KIF26B: variants seen among roughly 807,000 people sequenced by gnomAD.
The protein encoded by KIF26B is kinesin family member 26B.
A neutral mutation model predicts 151.2 loss-of-function variants in KIF26B; 63 were observed. The ratio of observed to expected loss-of-function variants is 0.42; its 90% CI spans 0.34 to 0.51. KIF26B has a LOEUF of 0.51. KIF26B is among the 20% of genes least tolerant of loss of function. The probability of loss-of-function intolerance (pLI) is 0.07; values close to 1 mark genes in which losing one functional copy is unlikely to be tolerated. For missense variants in KIF26B, 2,813 were observed against 2,913.6 expected (o/e 0.97, Z 0.79); for synonymous variants, 1,357 against 1,262.1 (o/e 1.08, Z -1.59).
Position 245,552,122 on chromosome 1 carries a change from G to GATGTGTGTGTGTGTGT in KIF26B, c.1350+11172_1350+11173insATGTGTGTGTGTGTGT, listed in dbSNP as rs1553287299. On this transcript the variant is annotated intron_variant, in intron 5 of 14. Coordinates refer to ENST00000407071, the MANE Select transcript of KIF26B (RefSeq NM_018012.4). ...TTCTCCAGAGAAACAGAACCAGCAG[G>GATGTGTGTGTGTGTGT]GTGTGTGTGTGTGTGTGTGTGTGTG... Among the ~76,000 whole-genome samples the GATGTGTGTGTGTGTGT allele has an allele frequency of 4.5e-3, 598 of 131,700 alleles. 24 individuals are homozygous for GATGTGTGTGTGTGTGT. Among genetic ancestry groups the GATGTGTGTGTGTGTGT allele is most frequent in the Non-Finnish European group, 6.6e-3 (409 of 61,540 alleles). 86.4% of individuals were successfully genotyped at this position (131,700 alleles called of 152,430 possible). A position where few individuals can be genotyped will look rare whatever the true frequency, so the allele number is the denominator to read the frequency against.
intron 9 of KIF26B, among the ~76,000 whole-genome samples, chr1:245,622,574 G>A (rs1191245285): frequency 6.6e-6 from 1 of 152,162 alleles, no homozygotes; most frequent in Non-Finnish European, 1.5e-5. Flanking sequence ...CGCTCTGCTC[G>A]CTTTTTGTAC....
At chr1:245,288,894 C>T (rs10802206) in intron 2 of KIF26B, among the ~76,000 whole-genome samples, 91,088 of 151,844 alleles carry the variant, frequency 0.6, 28,330 homozygotes, top group African/African-American at 0.77. Context: ...GGAGTTTTTA[C>T]TGGGAAGAAG....
rs1471481193 is a variant in KIF26B at position 245,495,219 on chromosome 1, A to G, written c.1167-45548A>G. ...TATCCAGAGAGATACATGGAGAACA[A>G]AAAGGATCAAAATACAGAAAAGAGC... On this transcript the variant is annotated intron_variant, in intron 4 of 14. Transcript: ENST00000407071. The surrounding 1 kb of genome is among the most constrained non-coding windows in gnomAD (Gnocchi z 4.2). 6.6e-6 allele frequency among the ~76,000 whole-genome samples: 1 copy of G among 152,224 alleles called. No individual in the cohort carries two copies. Among genetic ancestry groups the G allele is most frequent in the Non-Finnish European group, 1.5e-5 (1 of 68,038 alleles).
In KIF26B at chr1:245,704,315, A is replaced by T. The variant is rs2044812890; in HGVS notation, c.*1709A>T. On this transcript the variant is annotated 3_prime_UTR_variant, in exon 15 of 15. Coordinates refer to ENST00000407071, the MANE Select transcript of KIF26B (RefSeq NM_018012.4). ...CTCCCCAAGCGGGGAAAAAAACACT[A>T]CGTTTCTTGGTCAGTGTACCTCTGG... The T allele has an allele frequency of 6.6e-6, 1 of 152,206 alleles. No individual in the cohort carries two copies. Among genetic ancestry groups the T allele is most frequent in the Non-Finnish European group, 1.5e-5 (1 of 68,076 alleles). The allele number at this position is 152,206 out of a possible 1,614,324, so 9.4% of individuals were successfully genotyped here.
intron 2 of KIF26B, among the ~76,000 whole-genome samples, chr1:245,333,427 G>A (rs1672153244): frequency 6.6e-6 from 1 of 152,216 alleles, no homozygotes; most frequent in East Asian, 1.9e-4. Context: ...ACGAAGTAGA[G>A]TGGTGGTTTC....
In KIF26B at chr1:245,703,598, C is replaced by CATTTT. The variant is rs2044803051; in HGVS notation, c.*993_*997dup. 1 of 152,206 alleles carries CATTTT rather than the reference C, an allele frequency of 6.6e-6. No homozygotes were observed. The highest frequency in any genetic ancestry group is 2.4e-5 in the African/African-American group (1 of 41,452). The allele number at this position is 152,206 out of a possible 1,614,324, so 9.4% of individuals were successfully genotyped here. On this transcript the variant is annotated 3_prime_UTR_variant, in exon 15 of 15. Coordinates refer to ENST00000407071, the MANE Select transcript of KIF26B (RefSeq NM_018012.4). ...TTGCGTGGCCCTCAAAATTCATATT[C>CATTTT]ATTTTTATTCCAAAAAGTCTTGAAC...
At chr1:245,361,051 A>C (rs921423294) in intron 2 of KIF26B, among the ~76,000 whole-genome samples, 1 of 152,162 alleles carries the variant, frequency 6.6e-6, no homozygotes, top group Non-Finnish European at 1.5e-5. Flanking sequence ...TGCCTCACCC[A>C]TTCTTTTGAG....
At position 245,156,440 on chromosome 1, in the gene KIF26B, C is replaced by G; in HGVS notation, c.222C>G (p.Gly74=). ...CGGGGACCCCGTCTCCCGGCTCGGG[C>G]ACCTCGTCCCCGAGCTCGTTCACCG... ...GSSGTPSPGS[G]TSSPSSFTGS... Residue 74 remains glycine, a synonymous_variant, in exon 2 of 15, where the codon GGC becomes GGG. Transcript: ENST00000407071. The G allele has an allele frequency of 6.6e-7, 1 of 1,526,396 alleles. No individual in the cohort carries two copies. Among genetic ancestry groups the G allele is most frequent in the Non-Finnish European group, 8.8e-7 (1 of 1,140,376 alleles). The allele number at this position is 1,526,396 out of a possible 1,614,324, so 94.6% of individuals were successfully genotyped here. A position where few individuals can be genotyped will look rare whatever the true frequency, so the allele number is the denominator to read the frequency against.
chr1:245,444,787 G>A (rs1461231269), intron 4 of KIF26B, among the ~76,000 whole-genome samples: 1 of 152,216 alleles, frequency 6.6e-6, no homozygotes, highest in African/African-American at 2.4e-5. Flanking sequence ...AAAATGACGT[G>A]AGGGGTTGCC....
chr1:245,216,903 C>T (rs974696791), intron 2 of KIF26B, among the ~76,000 whole-genome samples: 1 of 152,150 alleles, frequency 6.6e-6, no homozygotes, highest in Non-Finnish European at 1.5e-5. Context: ...TCACTTTTGC[C>T]TTATTTCATA....
At chr1:245,673,353 C>T (rs746340861) in intron 10 of KIF26B, among the ~76,000 whole-genome samples, 1 of 115,794 alleles carries the variant, frequency 8.6e-6, no homozygotes, top group Non-Finnish European at 1.8e-5. Context: ...CCGCTGCGCG[C>T]TGCCATCTTA....
chr1:245,363,396 A>G lies in KIF26B; in HGVS notation c.466-3438A>G, dbSNP rs891349536. ...TTTTTAGTAGAAACAGGGTTTCACCATGTTGGGCAGGCTGGTCTCGGACTC... is the reference window on the plus strand; with the variant it reads ...TTTTTAGTAGAAACAGGGTTTCACCGTGTTGGGCAGGCTGGTCTCGGACTC... On this transcript the variant is annotated intron_variant, in intron 2 of 14. Transcript: ENST00000407071. 2.0e-5 allele frequency among the ~76,000 whole-genome samples: 3 copies of G among 152,142 alleles called. No homozygotes were observed. In the East Asian group the frequency reaches 5.8e-4, roughly 29 times the overall value.
Position 245,464,659 on chromosome 1 carries a change from TGTGTGTGTGG to T in KIF26B, c.1166+44922_1166+44931del, listed in dbSNP as rs879449338. 7.0e-4 allele frequency among the ~76,000 whole-genome samples: 105 copies of T among 149,264 alleles called. 1 individual carries two copies. The highest frequency in any genetic ancestry group is 1.7e-3 in the South Asian group (8 of 4,730). On this transcript the variant is annotated intron_variant, in intron 4 of 14. Coordinates refer to ENST00000407071, the MANE Select transcript of KIF26B (RefSeq NM_018012.4). ...GGCACCGTGTGTGTGGGTGTGCGTG[TGTGTGTGTGG>T]GTGTGTGCATGTGTGAGTATGTGCA...
chr1:245,610,654 T>C (rs770813015), intron 8 of KIF26B, among the ~76,000 whole-genome samples: 1 of 152,254 alleles, frequency 6.6e-6, no homozygotes, highest in Non-Finnish European at 1.5e-5. Flanking sequence ...CATTCATTTT[T>C]AGAACTTCAT....
chr1:245,282,881 G>A, intron 2 of KIF26B: 1 of 268,356 alleles, frequency 3.7e-6, no homozygotes, highest in Non-Finnish European at 8.0e-6. Flanking sequence ...TGGCAGTCGG[G>A]CATACATGGA....
intron 2 of KIF26B, among the ~76,000 whole-genome samples, chr1:245,205,120 G>A (rs531309447): frequency 8.5e-5 from 13 of 152,226 alleles, no homozygotes; most frequent in African/African-American, 3.1e-4. Context: ...AGGCCTGGTT[G>A]GGGTGTGAAA....
Position 245,688,591 on chromosome 1 carries a change from GACA to G in KIF26B, c.5612_5614del (p.Asn1871del). The G allele has an allele frequency of 6.3e-7, 1 of 1,578,560 alleles. No individual in the cohort carries two copies. Among genetic ancestry groups the G allele is most frequent in the Non-Finnish European group, 8.6e-7 (1 of 1,165,310 alleles). Reference sequence around the variant, plus strand: ...CCGCTGCAGCAGCGGCCACGGCAGCGACAACAGCAGCGTGCTGAGCGGGGAGCT... The same window carrying G: ...CCGCTGCAGCAGCGGCCACGGCAGCGACAGCAGCGTGCTGAGCGGGGAGCT... On this transcript the variant is annotated inframe_deletion, in exon 12 of 15. Coordinates refer to ENST00000407071, the MANE Select transcript of KIF26B (RefSeq NM_018012.4).
intron 4 of KIF26B, among the ~76,000 whole-genome samples, chr1:245,520,114 T>TGAGAGAGAGG (rs1661056707): frequency 7.5e-6 from 1 of 132,458 alleles, no homozygotes; most frequent in African/African-American, 2.9e-5. Context: ...CTCAACTAAC[T>TGAGAGAGAGG]GAGAGAGAGA....
intron 7 of KIF26B, among the ~76,000 whole-genome samples, chr1:245,608,484 C>T (rs1558234864): frequency 6.6e-6 from 1 of 152,204 alleles, no homozygotes; most frequent in African/African-American, 2.4e-5. Context: ...CCAGCCCTTT[C>T]TCTTGATCTT....
Sources: gnomAD v4.1 joint callset for allele counts (sites outside exome capture counted in the v4.1 genomes callset) on GRCh38, gnomAD v4.1.1 for gene constraint, Gnocchi (gnomAD v3.1) non-coding constraint, MANE v1.5 for transcripts, NCBI Gene and HGNC (gene_info 2026-07-23, HGNC 2026-07-21) for gene names.